The following LRIG1 variants were observed in gnomAD, a reference collection of about 807,000 sequenced individuals.
LRIG1 encodes leucine rich repeats and immunoglobulin like domains 1, also known as leucine-rich repeats and immunoglobulin-like domains protein 1.
A neutral mutation model predicts 99.2 loss-of-function variants in LRIG1; 48 were observed. The ratio of observed to expected loss-of-function variants is 0.48; its 90% CI spans 0.38 to 0.62. The LOEUF (loss-of-function observed/expected upper bound fraction) is 0.62, where lower values mean the gene tolerates loss of function less well. LRIG1 is among the 20% of genes least tolerant of loss of function. The pLI, the probability that LRIG1 is intolerant of heterozygous loss-of-function variation, is 0.00. For synonymous variants in LRIG1, 772 were observed against 596.1 expected (o/e 1.29, Z -4.30); for missense variants, 1,646 against 1,434.4 (o/e 1.15, Z -2.38).
chr3:66,410,806 T>A (rs960252185), intron 6 of LRIG1, among the ~76,000 whole-genome samples: 3 of 152,112 alleles, frequency 2.0e-5, no homozygotes, highest in Admixed American at 6.5e-5. Flanking sequence ...ATCTCACACA[T>A]GAGGAATGTG....
Position 66,495,556 on chromosome 3 carries a change from C to T in LRIG1, c.218+4634G>A, listed in dbSNP as rs537150257. 4.6e-5 allele frequency among the ~76,000 whole-genome samples: 7 copies of T among 152,246 alleles called. No individual in the cohort carries two copies. The East Asian group carries it at 1.2e-3, about 25-fold the overall frequency. On this transcript the variant is annotated intron_variant, in intron 1 of 18. Transcript: ENST00000273261. ...GAATCCCTTTTATGTTTTAAACAAA[C>T]GAGGAAAAGAAGAAAGAAAGACTCT...
Position 66,383,129 on chromosome 3 carries a change from G to A in LRIG1, c.2344C>T (p.Pro782Ser), listed in dbSNP as rs1176841884. Residue 782 changes from proline to serine, a missense_variant, in exon 15 of 19, where the codon CCC becomes TCC. Pro to Ser is a moderately conservative substitution (Grantham distance 74). Coordinates refer to ENST00000273261, the MANE Select transcript of LRIG1 (RefSeq NM_015541.3). ...ERAHSQLSVLPAAGCRKDGTT... is the reference protein window; with the variant it reads ...ERAHSQLSVLSAAGCRKDGTT... Reference sequence around the variant, plus strand: ...CCATCCTTCCTGCAGCCTGCTGCGGGCAGGACGCTCAGCTGGCTGTGAGCT... The same window carrying A: ...CCATCCTTCCTGCAGCCTGCTGCGGACAGGACGCTCAGCTGGCTGTGAGCT... 1 of 1,614,250 alleles carries A rather than the reference G, an allele frequency of 6.2e-7. No individual in the cohort carries two copies. The highest frequency in any genetic ancestry group is 8.5e-7 in the Non-Finnish European group (1 of 1,180,054).
In LRIG1 at chr3:66,385,985, C is replaced by T; in HGVS notation, c.1785G>A (p.Val595=). 6.2e-7 allele frequency: 1 copy of T among 1,613,014 alleles called. No individual in the cohort carries two copies. Among genetic ancestry groups the T allele is most frequent in the South Asian group, 1.1e-5 (1 of 90,966 alleles). The change falls in exon 13 of 19, where the codon GTG becomes GTA. Residue 595 remains valine (V), a synonymous_variant. Transcript: ENST00000273261. ...ACAAAGATGGTGTTTCCATACCATT[C>T]ACGGTGAGCCTGGCCTTATGTGAAT... The part of the protein sequence containing the change: ...STYSHKARLT[V]NVLPSFTKTP...
chr3:66,418,853 T>C (rs1420236714), intron 3 of LRIG1, among the ~76,000 whole-genome samples: 1 of 152,000 alleles, frequency 6.6e-6, no homozygotes, highest in Non-Finnish European at 1.5e-5. Flanking sequence ...CGAAAGTCCA[T>C]TTCCAAGGGT....
At chr3:66,403,877 G>C (rs944537760) in intron 9 of LRIG1, among the ~76,000 whole-genome samples, 1 of 152,214 alleles carries the variant, frequency 6.6e-6, no homozygotes, top group African/African-American at 2.4e-5. Context: ...GGTGGCGCCA[G>C]TGCTGAACAC....
intron 9 of LRIG1, among the ~76,000 whole-genome samples, chr3:66,401,385 G>A (rs1386503211): frequency 6.6e-6 from 1 of 152,128 alleles, no homozygotes; most frequent in Non-Finnish European, 1.5e-5. Flanking sequence ...TGTGCCCCAG[G>A]TCCCAGTAAA....
At chr3:66,401,312 C>CCGAG (rs1702044498) in intron 9 of LRIG1, among the ~76,000 whole-genome samples, 1 of 152,190 alleles carries the variant, frequency 6.6e-6, no homozygotes, top group Non-Finnish European at 1.5e-5. Flanking sequence ...GCACTGCACC[C>CCGAG]CGAGCGCTTC....
intron 7 of LRIG1, among the ~76,000 whole-genome samples, chr3:66,409,395 C>T (rs928989963): frequency 3.9e-5 from 6 of 152,206 alleles, no homozygotes. Context: ...AGGGCCACTG[C>T]CCATCGCTAC....
chr3:66,396,407 A>T (rs1466422404), intron 11 of LRIG1, among the ~76,000 whole-genome samples: 1 of 152,218 alleles, frequency 6.6e-6, no homozygotes, highest in Non-Finnish European at 1.5e-5. Flanking sequence ...ATTCCAACTC[A>T]AAGTGTGTTT....
intron 3 of LRIG1, among the ~76,000 whole-genome samples, chr3:66,449,524 T>C (rs1053578584): frequency 1.3e-5 from 2 of 152,228 alleles, no homozygotes; most frequent in African/African-American, 4.8e-5. Context: ...CTCTTGGCAC[T>C]TGGGCCAAGG....
intron 4 of LRIG1, 150 bp downstream of exon 4, chr3:66,416,979 G>A: frequency 2.1e-6 from 2 of 962,368 alleles, no homozygotes; most frequent in Non-Finnish European, 3.2e-6. Context: ...CCTGCTCAGG[G>A]AAGGTCTGAA....
chr3:66,452,355 C>A (rs1053977010), intron 2 of LRIG1, among the ~76,000 whole-genome samples: 15 of 152,220 alleles, frequency 9.9e-5, no homozygotes, highest in South Asian at 2.1e-4. Context: ...GGGAAACCCA[C>A]GAACCAAAGC....
intron 3 of LRIG1, among the ~76,000 whole-genome samples, chr3:66,424,349 G>A (rs955405299): frequency 6.6e-6 from 1 of 151,804 alleles, no homozygotes; most frequent in Non-Finnish European, 1.5e-5. Flanking sequence ...ACCCTCTCTA[G>A]GTCTCCCCCC....
Position 66,394,088 on chromosome 3 carries a change from G to C in LRIG1, c.1420C>G (p.Leu474Val), listed in dbSNP as rs778068167. 1 of 1,613,998 alleles carries C rather than the reference G, an allele frequency of 6.2e-7. No individual in the cohort carries two copies. Among genetic ancestry groups the C allele is most frequent in the East Asian group, 2.2e-5 (1 of 44,894 alleles). The change falls in exon 12 of 19, where the codon CTG becomes GTG. Residue 474 changes from leucine to valine, a missense_variant. Transcript: ENST00000273261. ...ACAGAGAAAATGCTCTGACCCTTCA[G>C]TGATTCTGGGTGGGCACAGGTGGCT... ...VTATCAHPES[L>V]KGQSIFSVPP...
intron 3 of LRIG1, among the ~76,000 whole-genome samples, chr3:66,424,393 C>T (rs1387407807): frequency 6.6e-6 from 1 of 152,180 alleles, no homozygotes; most frequent in East Asian, 1.9e-4. Flanking sequence ...GGCATTCAAA[C>T]CCCTGCAGGG....
chr3:66,382,811 T>A (rs1259023988), intron 15 of LRIG1, among the ~76,000 whole-genome samples, 171 bp downstream of exon 15: 2 of 152,182 alleles, frequency 1.3e-5, no homozygotes, highest in East Asian at 3.8e-4. Flanking sequence ...TTGAGAGTAT[T>A]CCTGTTTAAG....
At chr3:66,488,158 G>C (rs1348218406) in intron 1 of LRIG1, among the ~76,000 whole-genome samples, 1 of 152,022 alleles carries the variant, frequency 6.6e-6, no homozygotes, top group Non-Finnish European at 1.5e-5. Context: ...CCAGAACAAA[G>C]AAAATAAAAG....
At position 66,382,300 on chromosome 3, in the gene LRIG1, G is replaced by C; in HGVS notation, c.2590C>G (p.Gln864Glu). 3 of 1,614,136 alleles carry C rather than the reference G, an allele frequency of 1.9e-6. No homozygotes were observed. Among genetic ancestry groups the C allele is most frequent in the Non-Finnish European group, 2.5e-6 (3 of 1,179,986 alleles). ...TTGCTCTCAATGTGCCCATTGGCCT[G>C]AGGGCCACCCTCGGTCCTGACCACG... is the stretch of plus-strand genomic sequence containing the variant. ...ETVVRTEGGP[Q>E]ANGHIESNGV... Residue 864 changes from glutamine to glutamate, a missense_variant, in exon 16 of 19, where the codon CAG (glutamine) becomes GAG (glutamate). Transcript: ENST00000273261.
At chr3:66,455,188 G>A (rs994640021) in intron 2 of LRIG1, among the ~76,000 whole-genome samples, 14 of 152,246 alleles carry the variant, frequency 9.2e-5, no homozygotes, top group African/African-American at 2.9e-4. Flanking sequence ...CAGGTGATCC[G>A]CCCTTCTCGG....
Sources: gnomAD v4.1 joint callset for allele counts (sites outside exome capture counted in the v4.1 genomes callset) on GRCh38, gnomAD v4.1.1 for gene constraint, MANE v1.5 for transcripts, NCBI Gene and HGNC (gene_info 2026-07-23, HGNC 2026-07-21) for gene names.